The following ZNF114 variants were observed in gnomAD, a reference collection of about 807,000 sequenced individuals.
ZNF114 encodes the protein zinc finger protein 114 (Y18).
In ZNF114, 8 loss-of-function variants were observed where a neutral mutation model predicts 6.8. The observed-to-expected ratio is 1.18, with a 90% CI of 0.69 to 2.13. The LOEUF (loss-of-function observed/expected upper bound fraction) is 2.13. Among genes scored for constraint, ZNF114 ranks in the 30% most tolerant of loss-of-function variants. The probability of loss-of-function intolerance (pLI) is 0.00; values close to 1 mark genes in which losing one functional copy is unlikely to be tolerated. For missense variants in ZNF114, 472 were observed against 519.5 expected, an observed-to-expected ratio of 0.91 and a Z score of 0.89; for synonymous variants, 169 against 185.5, an observed-to-expected ratio of 0.91 and a Z score of 0.72.
chr19:48,277,678 C>G (rs1359616227), intron 3 of ZNF114, among the ~76,000 whole-genome samples: 2 of 152,218 alleles, frequency 1.3e-5, no homozygotes, highest in Non-Finnish European at 2.9e-5. Context: ...CACCGCAAGG[C>G]TCACACTGGG....
At position 48,285,768 on chromosome 19, in the gene ZNF114, A is replaced by C; in HGVS notation, c.144A>C (p.Ala48=). The change falls in exon 6 of 6, where the codon GCA becomes GCC. Residue 48 remains alanine, a synonymous_variant. Transcript: ENST00000595607. ...TGTGCCACTGTATTTCAGATTGGGC[A>C]ACTCCATGTAAAACCAAAGACGCAA... is the stretch of plus-strand genomic sequence containing the variant. ...NSRNLAFIDW[A]TPCKTKDATP... The C allele has an allele frequency of 6.2e-7, 1 of 1,603,776 alleles. No individual in the cohort carries two copies. Among genetic ancestry groups the C allele is most frequent in the Non-Finnish European group, 8.5e-7 (1 of 1,176,602 alleles).
intron 5 of ZNF114, among the ~76,000 whole-genome samples, chr19:48,283,734 GT>G (rs71334285): frequency 0.034 from 5,078 of 148,108 alleles, 163 homozygotes; most frequent in Middle Eastern, 0.14. Flanking sequence ...TGGGGTTTTT[GT>G]TTTTTTTTTG....
rs768931185 is a variant in ZNF114, at chr19:48,282,425, C to T, written c.64C>T (p.Leu22=). 3.1e-6 allele frequency: 5 copies of T among 1,613,596 alleles called. No homozygotes were observed. The highest frequency in any genetic ancestry group is 4.2e-6 in the Non-Finnish European group (5 of 1,179,716). Residue 22 remains leucine (L), a synonymous_variant, in exon 5 of 6, where the codon CTG becomes TTG. Coordinates refer to ENST00000595607, the MANE Select transcript of ZNF114 (RefSeq NM_153608.4). ...AVNFTKEEWT[L]LDPAQRNLYR... The stretch of plus-strand genomic sequence containing the variant: ...GAACTTCACCAAAGAGGAGTGGACC[C>T]TGCTGGACCCAGCTCAGAGGAATCT...
intron 1 of ZNF114, among the ~76,000 whole-genome samples, chr19:48,270,868 G>C (rs907805628): frequency 3.3e-5 from 5 of 151,904 alleles, no homozygotes; most frequent in Non-Finnish European, 7.4e-5. Context: ...CACGAGGTCA[G>C]GAGATCGCTG....
At chr19:48,272,467 G>A (rs1967689433) in intron 3 of ZNF114, among the ~76,000 whole-genome samples, 1 of 148,848 alleles carries the variant, frequency 6.7e-6, no homozygotes, top group Non-Finnish European at 1.5e-5. Context: ...GGTGGCGGGC[G>A]CCTGTGATCC....
chr19:48,276,822 C>A (rs1184770753), intron 3 of ZNF114, among the ~76,000 whole-genome samples: 1 of 152,222 alleles, frequency 6.6e-6, no homozygotes, highest in African/African-American at 2.4e-5. Context: ...CCCAGCCCAG[C>A]CCAAAATGGT....
At chr19:48,274,452 TTTTTG>T (rs1238044030) in intron 3 of ZNF114, among the ~76,000 whole-genome samples, 5 of 150,314 alleles carry the variant, frequency 3.3e-5, no homozygotes, top group African/African-American at 9.7e-5. Flanking sequence ...TGGGGGTTTG[TTTTTG>T]TTTTGTTTTA....
intron 5 of ZNF114, 66 bp downstream of exon 5, chr19:48,282,563 G>A (rs1401233704): frequency 1.3e-6 from 2 of 1,528,052 alleles, no homozygotes; most frequent in African/African-American, 2.8e-5. Flanking sequence ...ACCGTGTTCT[G>A]GGAAGTGCAT....
chr19:48,285,560 G>GAGGA (rs71181672), intron 5 of ZNF114, among the ~76,000 whole-genome samples: 8 of 148,318 alleles, frequency 5.4e-5, no homozygotes, highest in African/African-American at 1.5e-4. Context: ...AGGAAGGAAG[G>GAGGA]AGGAAGGAAG....
At chr19:48,285,459 C>T (rs1453007898) in intron 5 of ZNF114, among the ~76,000 whole-genome samples, 13 of 151,878 alleles carry the variant, frequency 8.6e-5, no homozygotes, top group Admixed American at 8.5e-4. Flanking sequence ...GATCATGCCA[C>T]TGCACTCCAG....
intron 3 of ZNF114, among the ~76,000 whole-genome samples, chr19:48,275,174 A>G (rs1459461233): frequency 1.4e-5 from 2 of 144,272 alleles, no homozygotes; most frequent in African/African-American, 2.6e-5. Context: ...GAGAGAGAGG[A>G]AGAGAGAAAG....
At chr19:48,276,882 G>A (rs1967849963) in intron 3 of ZNF114, among the ~76,000 whole-genome samples, 1 of 152,224 alleles carries the variant, frequency 6.6e-6, no homozygotes, top group African/African-American at 2.4e-5. Flanking sequence ...GCTGGGACTG[G>A]GCGTGGTGGC....
intron 3 of ZNF114, among the ~76,000 whole-genome samples, chr19:48,275,031 C>T (rs1351700901): frequency 1.3e-5 from 2 of 151,272 alleles, no homozygotes; most frequent in East Asian, 4.0e-4. Context: ...GATCCCAGCA[C>T]TTTGGGAGGC....
intron 3 of ZNF114, among the ~76,000 whole-genome samples, chr19:48,273,470 G>C (rs1342242788): frequency 6.8e-6 from 1 of 147,528 alleles, no homozygotes; most frequent in Admixed American, 6.8e-5. Context: ...TGATGTGTCT[G>C]AGGTTACTAG....
Position 48,286,035 on chromosome 19 carries a change from G to C in ZNF114, c.411G>C (p.Arg137Ser), listed in dbSNP as rs372950819. ...EMRNHSKPTC[R>S]LVPSQGDSIR... ...GGAACCACTCTAAACCTACCTGCAG[G>C]CTTGTGCCTTCACAGGGAGATTCCA... Residue 137 changes from arginine to serine, a missense_variant, in exon 6 of 6, where the codon AGG becomes AGC. Arg to Ser is a moderately radical substitution (Grantham distance 110). Coordinates refer to ENST00000595607, the MANE Select transcript of ZNF114 (RefSeq NM_153608.4). The C allele has an allele frequency of 3.0e-5, 49 of 1,613,884 alleles. No individual in the cohort carries two copies. The East Asian group carries it at 1.0e-3, about 34-fold the overall frequency.
chr19:48,282,601 A>G, intron 5 of ZNF114, 104 bp downstream of exon 5: 1 of 1,402,198 alleles, frequency 7.1e-7, no homozygotes, highest in African/African-American at 1.5e-5. Context: ...GTTAAATTCC[A>G]GAGACACAGC....
chr19:48,278,323 C>T (rs904083424), intron 3 of ZNF114, among the ~76,000 whole-genome samples: 1 of 152,206 alleles, frequency 6.6e-6, no homozygotes, highest in African/African-American at 2.4e-5. Flanking sequence ...ATTTCCATCA[C>T]CCCTGAAAGA....
chr19:48,272,411 C>CAA lies in ZNF114; in HGVS notation c.-70+593_-70+594dup, dbSNP rs199855031. 2.2e-3 allele frequency among the ~76,000 whole-genome samples: 280 copies of CAA among 127,580 alleles called. 3 individuals carry two copies. The highest frequency in any genetic ancestry group is 6.0e-3 in the African/African-American group (198 of 33,152). 83.7% of individuals were successfully genotyped at this position (127,580 alleles called of 152,430 possible). On this transcript the variant is annotated intron_variant, in intron 3 of 5. Coordinates refer to ENST00000595607, the MANE Select transcript of ZNF114 (RefSeq NM_153608.4). ...TGGGCGACAGAGGGAGACTCTGTCT[C>CAA]AAAAAAAAAAATAAATAATAATAAT... is the stretch of plus-strand genomic sequence containing the variant.
At chr19:48,285,634 G>A in intron 5 of ZNF114, 127 bp from the exon 6 acceptor site, 3 of 1,051,892 alleles carry the variant, frequency 2.9e-6, no homozygotes, top group Non-Finnish European at 4.1e-6. Context: ...GATGGAAGGA[G>A]CGAGGGAGGG....
Sources: gnomAD v4.1 joint callset for allele counts (sites outside exome capture counted in the v4.1 genomes callset) on GRCh38, gnomAD v4.1.1 for gene constraint, MANE v1.5 for transcripts, NCBI Gene and HGNC (gene_info 2026-07-23, HGNC 2026-07-21) for gene names.